The following DYSF variants were observed in gnomAD, a reference collection of about 807,000 sequenced individuals.
The protein encoded by DYSF is dystrophy-associated fer-1-like 1.
A neutral mutation model predicts 274.9 loss-of-function variants in DYSF; 212 were observed. The ratio of observed to expected loss-of-function variants is 0.77; its 90% CI spans 0.69 to 0.86. DYSF has a LOEUF of 0.86. Among genes scored for constraint, DYSF ranks in the 40% least tolerant of loss-of-function variants. DYSF has a pLI of 0.00. For synonymous variants in DYSF, 1,091 were observed against 1,078.7 expected (o/e 1.01, Z -0.22); for missense variants, 2,666 against 2,783.2 (o/e 0.96, Z 0.95).
chr2:71,589,755 G>A (rs1367909965), intron 31 of DYSF, 69 bp downstream of exon 31: 1 of 1,436,300 alleles, frequency 7.0e-7, no homozygotes, highest in Admixed American at 1.7e-5. Flanking sequence ...TTTGGATGGA[G>A]TTATACGATC....
intron 4 of DYSF, among the ~76,000 whole-genome samples, chr2:71,509,500 G>C (rs67649046): frequency 0.085 from 12,911 of 152,152 alleles, 928 homozygotes; most frequent in African/African-American, 0.19. Flanking sequence ...TTTCTTGGTT[G>C]AATTCATTAT....
chr2:71,644,423 T>C (rs995659713), intron 42 of DYSF, among the ~76,000 whole-genome samples: 1 of 152,230 alleles, frequency 6.6e-6, no homozygotes, highest in South Asian at 2.1e-4. Context: ...TTGCATGACA[T>C]TGAAAACAGT....
At chr2:71,664,716 A>G (rs1472314759) in intron 46 of DYSF, among the ~76,000 whole-genome samples, 2 of 152,176 alleles carry the variant, frequency 1.3e-5, no homozygotes, top group African/African-American at 4.8e-5. Flanking sequence ...ATGCACATAG[A>G]AGGCCTAGAG....
At chr2:71,498,040 A>G (rs933677138) in intron 3 of DYSF, among the ~76,000 whole-genome samples, 1 of 152,176 alleles carries the variant, frequency 6.6e-6, no homozygotes, top group African/African-American at 2.4e-5. Flanking sequence ...TAGACCCCCA[A>G]TAAAACTTGA....
chr2:71,516,856 G>A, intron 9 of DYSF, 133 bp from the exon 10 acceptor site: 1 of 862,970 alleles, frequency 1.2e-6, no homozygotes, highest in Non-Finnish European at 2.0e-6. Flanking sequence ...GCTAAACACT[G>A]CTTAGAACAG....
At chr2:71,660,408 T>C (rs2094856985) in intron 44 of DYSF, 152 bp from the exon 45 acceptor site, 2 of 697,334 alleles carry the variant, frequency 2.9e-6, no homozygotes, top group East Asian at 2.9e-5. Flanking sequence ...TGGTGTGGTG[T>C]GTGGGAGGGG....
intron 55 of DYSF, among the ~76,000 whole-genome samples, chr2:71,683,121 A>G (rs1195722059): frequency 6.6e-6 from 1 of 152,076 alleles, no homozygotes; most frequent in Non-Finnish European, 1.5e-5. Context: ...GGAAGGGAGG[A>G]GCTGGGGCTG....
chr2:71,660,620 A>G lies in DYSF; in HGVS notation c.4972A>G (p.Ile1658Val). 6.2e-7 allele frequency: 1 copy of G among 1,614,126 alleles called. No homozygotes were observed. The highest frequency in any genetic ancestry group is 8.5e-7 in the Non-Finnish European group (1 of 1,179,950). The change falls in exon 45 of 56, where the codon ATC becomes GTC. Residue 1658 changes from isoleucine to valine, a missense_variant. By Grantham distance (29) the Ile-to-Val change is conservative. Transcript: ENST00000410020. ...ATCAGTGAGTGACCAGGATAACTAC[A>G]TCCCCTGCACGCTGGAGCCCGTATT... ...KKSVSDQDNY[I>V]PCTLEPVFGK...
intron 41 of DYSF, among the ~76,000 whole-genome samples, chr2:71,637,036 T>C (rs1404444239): frequency 1.3e-5 from 2 of 152,076 alleles, no homozygotes; most frequent in Admixed American, 6.5e-5. Context: ...GGACAGAGAA[T>C]GGAAACATAA....
intron 17 of DYSF, among the ~76,000 whole-genome samples, chr2:71,549,570 T>C (rs78761467): frequency 6.6e-5 from 10 of 151,990 alleles, no homozygotes; most frequent in Non-Finnish European, 1.3e-4. Flanking sequence ...GTGGAGCATG[T>C]AAATCATCTG....
intron 3 of DYSF, among the ~76,000 whole-genome samples, chr2:71,492,709 C>A (rs867623481): frequency 8.7e-6 from 1 of 115,046 alleles, no homozygotes; most frequent in South Asian, 3.2e-4. Flanking sequence ...CCCCCCCCCC[C>A]TTTTCTTTCT....
Position 71,552,987 on chromosome 2 carries a change from C to G in DYSF, c.1807-24C>G, listed in dbSNP as rs2303595. The stretch of plus-strand genomic sequence containing the variant: ...GCCTTTCTTTGCTCCTCCCGTGACC[C>G]TCTGGTCTACTCTCTGCTCTCAGAA... On this transcript the variant is annotated intron_variant, in intron 19 of 55. Coordinates refer to ENST00000410020, the MANE Select transcript of DYSF (RefSeq NM_001130987.2). 65,430 of 1,613,810 alleles carry G rather than the reference C, an allele frequency of 0.041. 2,825 individuals are homozygous for G. Among genetic ancestry groups the G allele is most frequent in the African/African-American group, 0.22 (16,856 of 74,984 alleles).
chr2:71,491,246 C>T (rs1210415218), intron 3 of DYSF, among the ~76,000 whole-genome samples: 2 of 152,072 alleles, frequency 1.3e-5, no homozygotes, highest in Non-Finnish European at 2.9e-5. Flanking sequence ...TCGTCTTTTC[C>T]TTTTAATTCA....
intron 17 of DYSF, among the ~76,000 whole-genome samples, chr2:71,544,459 C>CTTT (rs10656285): frequency 0.021 from 2,756 of 128,972 alleles, 92 homozygotes; most frequent in African/African-American, 0.041. Context: ...TAAAAATGTT[C>CTTT]TTTTTTTTTT....
chr2:71,558,121 G>A (rs149238481), intron 22 of DYSF, among the ~76,000 whole-genome samples: 47 of 152,316 alleles, frequency 3.1e-4, no homozygotes, highest in African/African-American at 1.1e-3. Context: ...CACCTGGTGA[G>A]TGGCAGAACC....
rs776302025 is a variant in DYSF, at chr2:71,590,251, C to T, written c.3537C>T (p.Ala1179=). Residue 1179 remains alanine, a synonymous_variant, in exon 32 of 56, where the codon GCC becomes GCT. Transcript: ENST00000410020. ...RYHLRCYMYQ[A]RDLAAMDKDS... is the part of the protein sequence containing the mutation. ...ATCTACGCTGCTACATGTACCAGGC[C>T]CGGGACCTGGCTGCGATGGACAAGG... is the stretch of plus-strand genomic sequence containing the variant. 8 of 1,614,010 alleles carry T rather than the reference C, an allele frequency of 5.0e-6. No individual in the cohort carries two copies. In the Admixed American group the frequency reaches 8.3e-5, roughly 17 times the overall value.
intron 48 of DYSF, 129 bp downstream of exon 48, chr2:71,667,644 C>A: frequency 1.4e-6 from 2 of 1,414,598 alleles, no homozygotes; most frequent in South Asian, 1.3e-5. Context: ...TGACCCATTT[C>A]TTCACAGTCT....
At chr2:71,627,007 A>T (rs2094218449) in intron 41 of DYSF, among the ~76,000 whole-genome samples, 1 of 151,418 alleles carries the variant, frequency 6.6e-6, no homozygotes, top group Non-Finnish European at 1.5e-5. Flanking sequence ...CCATCTAGTT[A>T]TGCCTCCTTT....
intron 18 of DYSF, 65 bp from the exon 19 acceptor site, chr2:71,551,538 AGGGT>A: frequency 1.5e-6 from 2 of 1,358,970 alleles, no homozygotes; most frequent in Non-Finnish European, 2.1e-6. Flanking sequence ...TCAGGGCCAG[AGGGT>A]GCCCCTTTCC....
Sources: allele counts gnomAD v4.1 joint callset (sites outside exome capture counted in the v4.1 genomes callset), GRCh38; gene constraint gnomAD v4.1.1; transcripts MANE v1.5; gene names NCBI Gene and HGNC (gene_info 2026-07-23, HGNC 2026-07-21).